The following EMC1 variants were observed in gnomAD, a reference collection of about 807,000 sequenced individuals.
EMC1 encodes the protein ER membrane protein complex subunit 1.
Under a neutral mutation model 128.8 loss-of-function variants are expected in EMC1, and 103 were observed. The ratio of observed to expected loss-of-function variants is 0.80; its 90% CI spans 0.68 to 0.94. EMC1 has a LOEUF of 0.94. EMC1 is among the 40% of genes least tolerant of loss of function. The pLI is 0.00. For missense variants in EMC1, 1,083 were observed against 1,250.6 expected, an observed-to-expected ratio of 0.87 and a Z score of 2.02; for synonymous variants, 442 against 490.4, an observed-to-expected ratio of 0.90 and a Z score of 1.30.
chr1:19,244,865 T>G, intron 2 of EMC1, 41 bp downstream of exon 2: 1 of 1,610,548 alleles, frequency 6.2e-7, no homozygotes, highest in Non-Finnish European at 8.5e-7. Flanking sequence ...AAGTCTTTCA[T>G]CCCTGAGGCA....
chr1:19,222,018 G>T, intron 20 of EMC1: 1 of 154,686 alleles, frequency 6.5e-6, no homozygotes, highest in Non-Finnish European at 1.4e-5. Context: ...CCAAGATCGT[G>T]CCACTGCACT....
chr1:19,242,250 T>A (rs975597245), intron 5 of EMC1, 95 bp downstream of exon 5: 11 of 1,370,806 alleles, frequency 8.0e-6, no homozygotes, highest in Non-Finnish European at 1.1e-5. Flanking sequence ...GAGACAGGCC[T>A]GGGTTAAAGC....
rs1302958481 is a variant in EMC1 at position 19,240,499 on chromosome 1, C to G, written c.637-53G>C. ...GCTCGTGAAAGATTTTTACATTTCC[C>G]TCTCAGCCCAACAGCAATATTGCTG... On this transcript the variant is annotated intron_variant, in intron 6 of 22. Transcript: ENST00000477853. 1.9e-6 allele frequency: 3 copies of G among 1,601,402 alleles called. No individual in the cohort carries two copies. The Admixed American group carries it at 5.0e-5, about 27-fold the overall frequency.
rs1164731950 is a variant in EMC1, at chr1:19,216,384, A to T, written c.*2919T>A. ...TTACATTAAAGTCTCTAACACTTAA[A>T]TTAGGAATTGAGTATTTTTTCTATC... On this transcript the variant is annotated 3_prime_UTR_variant, in exon 23 of 23. Transcript: ENST00000477853. 1 of 152,226 alleles carries T rather than the reference A, an allele frequency of 6.6e-6. No individual in the cohort carries two copies. Among genetic ancestry groups the T allele is most frequent in the East Asian group, 1.9e-4 (1 of 5,196 alleles). 9.4% of individuals were successfully genotyped at this position (152,226 alleles called of 1,614,324 possible). A position where few individuals can be genotyped will look rare whatever the true frequency, so the allele number is the denominator to read the frequency against.
chr1:19,251,304 G>T, intron 1 of EMC1, 111 bp downstream of exon 1: 3 of 995,456 alleles, frequency 3.0e-6, no homozygotes, highest in Non-Finnish European at 4.6e-6. Context: ...TTTTGTACTG[G>T]GTCCTGCAAA....
At chr1:19,235,798 T>C (rs1490704777) in intron 12 of EMC1, among the ~76,000 whole-genome samples, 1 of 151,680 alleles carries the variant, frequency 6.6e-6, no homozygotes, top group Admixed American at 6.6e-5. Context: ...GAGGCTGAGA[T>C]AGGAAGATCA....
Position 19,219,236 on chromosome 1 carries a change from G to A in EMC1, c.*67C>T. ...ACATACTCCACCAATCCACCAAACT[G>A]CAGCTGTAGCTGCTTATCTGACCCA... On this transcript the variant is annotated 3_prime_UTR_variant, in exon 23 of 23. Transcript: ENST00000477853. 6.6e-7 allele frequency: 1 copy of A among 1,519,850 alleles called. No individual in the cohort carries two copies. The highest frequency in any genetic ancestry group is 9.1e-7 in the Non-Finnish European group (1 of 1,100,432). The allele number at this position is 1,519,850 out of a possible 1,614,324, so 94.1% of individuals were successfully genotyped here.
chr1:19,249,703 T>C (rs895216980), intron 1 of EMC1, among the ~76,000 whole-genome samples: 10 of 152,064 alleles, frequency 6.6e-5, no homozygotes, highest in African/African-American at 2.2e-4. Context: ...GGCAGCCAGA[T>C]TGCTTGAGCC....
intron 7 of EMC1, 101 bp downstream of exon 7, chr1:19,240,196 A>C: frequency 6.8e-7 from 1 of 1,465,232 alleles, no homozygotes. Flanking sequence ...TCCACTGCTC[A>C]GGAAGAGTCT....
chr1:19,251,258 C>T (rs2093657925), intron 1 of EMC1, among the ~76,000 whole-genome samples, 157 bp downstream of exon 1: 1 of 152,158 alleles, frequency 6.6e-6, no homozygotes, highest in South Asian at 2.1e-4. Context: ...ACTTTAAATC[C>T]TTAATAATTT....
At chr1:19,226,149 A>G in intron 18 of EMC1, among the ~76,000 whole-genome samples, 1 of 152,130 alleles carries the variant, frequency 6.6e-6, no homozygotes. Context: ...AGAGGGTGTA[A>G]TTAATGTGCA....
chr1:19,231,900 A>C (rs2151948467), intron 15 of EMC1, among the ~76,000 whole-genome samples: 1 of 152,204 alleles, frequency 6.6e-6, no homozygotes, highest in East Asian at 1.9e-4. Context: ...TGAGATTATA[A>C]GCGTGAGCCA....
chr1:19,227,233 A>G, intron 18 of EMC1, 80 bp downstream of exon 18: 2 of 1,530,698 alleles, frequency 1.3e-6, no homozygotes. Context: ...ATATGTACCA[A>G]GTCCTACAGC....
intron 12 of EMC1, 119 bp downstream of exon 12, chr1:19,237,023 C>T: frequency 3.2e-6 from 2 of 632,566 alleles, no homozygotes; most frequent in East Asian, 3.1e-5. Flanking sequence ...ACGAAACACT[C>T]AGGGCACACT....
intron 12 of EMC1, among the ~76,000 whole-genome samples, chr1:19,235,617 C>T (rs1208812478): frequency 1.3e-5 from 2 of 152,128 alleles, no homozygotes; most frequent in Non-Finnish European, 1.5e-5. Flanking sequence ...AGGAGAATGG[C>T]GTGAACCCGG....
intron 12 of EMC1, among the ~76,000 whole-genome samples, chr1:19,236,905 T>C (rs2093568709): frequency 1.4e-5 from 2 of 146,544 alleles, no homozygotes; most frequent in Admixed American, 1.4e-4. Context: ...AAGGTGGAGA[T>C]TGCAGTGGGC....
In EMC1 at chr1:19,230,843, C is replaced by A. The variant is rs1172436823; in HGVS notation, c.2064+1G>T. 6.2e-7 allele frequency: 1 copy of A among 1,613,734 alleles called. No individual in the cohort carries two copies. The highest frequency in any genetic ancestry group is 1.3e-5 in the African/African-American group (1 of 74,856). On this transcript the variant is annotated splice_donor_variant, in intron 17 of 22. Coordinates refer to ENST00000477853, the MANE Select transcript of EMC1 (RefSeq NM_015047.3). LOFTEE classifies it high-confidence loss of function. ...GGTTGTGCCAGGACATGCCTTCCTACCTTTCGAAGCCGATATCCACACAGC... is the reference window on the plus strand; with the variant it reads ...GGTTGTGCCAGGACATGCCTTCCTAACTTTCGAAGCCGATATCCACACAGC...
intron 15 of EMC1, among the ~76,000 whole-genome samples, chr1:19,231,723 T>C (rs1445719783): frequency 6.6e-6 from 1 of 152,076 alleles, no homozygotes; most frequent in Non-Finnish European, 1.5e-5. Flanking sequence ...CAGGTTCAAG[T>C]GATCCTCCCA....
At chr1:19,232,382 GT>G (rs765143078) in intron 15 of EMC1, among the ~76,000 whole-genome samples, 1 of 152,192 alleles carries the variant, frequency 6.6e-6, no homozygotes, top group Non-Finnish European at 1.5e-5. Context: ...AACAGCCAAT[GT>G]TTAGAAAAGA....
Sources: allele counts gnomAD v4.1 joint callset (sites outside exome capture counted in the v4.1 genomes callset), GRCh38; gene constraint gnomAD v4.1.1; transcripts MANE v1.5; gene names NCBI Gene and HGNC (gene_info 2026-07-23, HGNC 2026-07-21).